Variants in SGCD observed in about 807,000 individuals in gnomAD.
SGCD encodes the protein delta-sarcoglycan.
Under a neutral mutation model 36.6 loss-of-function variants are expected in SGCD, and 18 were observed. The observed-to-expected ratio is 0.49, with a 90% confidence interval of 0.34 to 0.73. The LOEUF (loss-of-function observed/expected upper bound fraction) is 0.73, where lower values mean the gene tolerates loss of function less well. SGCD is among the 30% of genes least tolerant of loss of function. The probability of loss-of-function intolerance (pLI) is 0.01; values close to 1 mark genes in which losing one functional copy is unlikely to be tolerated. For missense variants in SGCD, 387 were observed against 346.7 expected (o/e 1.12, Z -0.92); for synonymous variants, 133 against 130.6 (o/e 1.02, Z -0.12).
At chr5:156,351,126 T>A (rs1480822654) in intron 3 of SGCD, among the ~76,000 whole-genome samples, 1 of 152,224 alleles carries the variant, frequency 6.6e-6, no homozygotes, top group African/African-American at 2.4e-5. Context: ...TAGTTCCGAA[T>A]GTTTGGTTTT....
chr5:156,451,809 A>T (rs1011032817), intron 3 of SGCD, among the ~76,000 whole-genome samples: 1 of 152,184 alleles, frequency 6.6e-6, no homozygotes, highest in African/African-American at 2.4e-5. Flanking sequence ...AGTTATTGAC[A>T]TACTTAGCTA....
At chr5:156,103,753 T>C (rs904008355) in intron 1 of SGCD, among the ~76,000 whole-genome samples, 1 of 152,152 alleles carries the variant, frequency 6.6e-6, no homozygotes, top group South Asian at 2.1e-4. Context: ...AGAAAATCTC[T>C]AAAATCATCA....
At chr5:156,236,998 T>G (rs754716398) in intron 3 of SGCD, among the ~76,000 whole-genome samples, 15 of 151,892 alleles carry the variant, frequency 9.9e-5, no homozygotes, top group Non-Finnish European at 2.9e-5. Flanking sequence ...CATGCCGGAC[T>G]AACTTTTTGT....
At chr5:155,822,250 T>G in the SGCD span, among the ~76,000 whole-genome samples, 2 of 152,168 alleles carry the variant, frequency 1.3e-5, no homozygotes, top group Non-Finnish European at 2.9e-5. Flanking sequence ...TATAGGCACC[T>G]TTTCGTGAGT....
Position 156,048,077 on chromosome 5 carries a change from G to T in SGCD, c.-281-69801G>T, listed in dbSNP as rs530855352. ...TATGAGTGAGAACATGCGGTGTTTG[G>T]TTTTTTGCCCTTGCAATTGTTTGCT... On this transcript the variant is annotated intron_variant, in intron 1 of 9. Coordinates refer to the SGCD transcript ENST00000517913. 5.9e-5 allele frequency among the ~76,000 whole-genome samples: 9 copies of T among 152,150 alleles called. No individual in the cohort carries two copies. The South Asian group carries it at 1.7e-3, about 28-fold the overall frequency.
At chr5:156,070,308 A>G (rs1400665148) in intron 1 of SGCD, among the ~76,000 whole-genome samples, 2 of 152,068 alleles carry the variant, frequency 1.3e-5, no homozygotes, top group East Asian at 1.9e-4. Flanking sequence ...ACGTCCCATC[A>G]ATGCCGAATT....
At chr5:156,411,060 A>C (rs1380902021) in intron 3 of SGCD, among the ~76,000 whole-genome samples, 2 of 152,208 alleles carry the variant, frequency 1.3e-5, no homozygotes, top group Non-Finnish European at 2.9e-5. Context: ...TTATTTTAAA[A>C]TCATATTGCT....
intron 3 of SGCD, among the ~76,000 whole-genome samples, chr5:156,167,530 G>C (rs983233434): frequency 1.3e-5 from 2 of 152,068 alleles, no homozygotes; most frequent in Non-Finnish European, 2.9e-5. Context: ...GGGAAGTGGG[G>C]CCTAGGAGGC....
At chr5:155,888,601 AT>A (rs1211350979) in intron 1 of SGCD, among the ~76,000 whole-genome samples, 1 of 152,218 alleles carries the variant, frequency 6.6e-6, no homozygotes, top group Non-Finnish European at 1.5e-5. Context: ...GTAAAAAAGT[AT>A]ATGATCGAAT....
intron 3 of SGCD, among the ~76,000 whole-genome samples, chr5:156,189,565 T>TA (rs112599214): frequency 0.015 from 2,248 of 151,958 alleles, 54 homozygotes; most frequent in African/African-American, 0.051. Context: ...CCTCTATTAC[T>TA]AAAAACAGGG....
chr5:155,873,181 G>A (rs998753645), intron 1 of SGCD, among the ~76,000 whole-genome samples: 3 of 152,108 alleles, frequency 2.0e-5, no homozygotes, highest in African/African-American at 7.2e-5. Flanking sequence ...TTTGGTAGGT[G>A]TCCAAGCCAG....
At chr5:156,324,959 G>T (rs568335574), upstream of SGCD, among the ~76,000 whole-genome samples, 2 of 152,070 alleles carry the variant, frequency 1.3e-5, no homozygotes, top group African/African-American at 4.8e-5. Context: ...TTAGGACGTT[G>T]CCATTTCCAA....
the SGCD span, among the ~76,000 whole-genome samples, chr5:155,796,593 C>T: frequency 3.3e-5 from 5 of 151,580 alleles, no homozygotes; most frequent in South Asian, 2.1e-4. Context: ...CACCTGAGGT[C>T]GGGAGTTTGA....
At chr5:156,499,179 T>C (rs750534487) in intron 3 of SGCD, among the ~76,000 whole-genome samples, 3 of 152,160 alleles carry the variant, frequency 2.0e-5, no homozygotes, top group Non-Finnish European at 1.5e-5. Flanking sequence ...ATGGGGCTAA[T>C]AGTGCCTACC....
chr5:156,353,514 C>G (rs1274760592), intron 3 of SGCD, among the ~76,000 whole-genome samples: 1 of 152,152 alleles, frequency 6.6e-6, no homozygotes, highest in African/African-American at 2.4e-5. Context: ...AGCTAATATA[C>G]AGATTTGCTT....
the SGCD span, among the ~76,000 whole-genome samples, chr5:155,861,624 A>G: frequency 6.6e-6 from 1 of 152,226 alleles, no homozygotes; most frequent in African/African-American, 2.4e-5. Flanking sequence ...AGGTTGAGGC[A>G]GGAGAATCTC....
intron 6 of SGCD, among the ~76,000 whole-genome samples, chr5:156,609,334 G>T (rs528346374): frequency 1.3e-5 from 2 of 152,136 alleles, no homozygotes; most frequent in Admixed American, 6.5e-5. Flanking sequence ...GAGATGCTGG[G>T]TTGAAAATTC....
At chr5:156,648,647 G>A (rs879725187) in intron 7 of SGCD, among the ~76,000 whole-genome samples, 14 of 152,096 alleles carry the variant, frequency 9.2e-5, no homozygotes, top group Non-Finnish European at 1.5e-4. Context: ...AGAGTGGGCT[G>A]TATTTTTAAG....
intron 3 of SGCD, among the ~76,000 whole-genome samples, chr5:156,307,041 CTT>C (rs71577193): frequency 0.011 from 1,335 of 124,492 alleles, 12 homozygotes; most frequent in African/African-American, 0.031. Flanking sequence ...TATAAGTTTT[CTT>C]TTTTTTTTTT....
Sources: allele counts gnomAD v4.1 joint callset (sites outside exome capture counted in the v4.1 genomes callset), GRCh38; gene constraint gnomAD v4.1.1; transcripts MANE v1.5; gene names NCBI Gene and HGNC (gene_info 2026-07-23, HGNC 2026-07-21).